IL31: variants seen among roughly 807,000 people sequenced by gnomAD.
The protein encoded by IL31 is interleukin-31.
In IL31, 8 loss-of-function variants were observed where a neutral mutation model predicts 7.8. The observed-to-expected ratio is 1.02, with a 90% CI of 0.60 to 1.84. The LOEUF is 1.84. IL31 is among the 40% of genes most tolerant of loss of function. The pLI, the probability that IL31 is intolerant of heterozygous loss-of-function variation, is 0.00. For missense variants in IL31, 162 were observed against 205.6 expected, an observed-to-expected ratio of 0.79 and a Z score of 1.30; for synonymous variants, 87 against 86.5, an observed-to-expected ratio of 1.01 and a Z score of -0.03.
In IL31 at chr12:122,172,357, G is replaced by A. The variant is rs1184191142; in HGVS notation, c.*55C>T. On this transcript the variant is annotated 3_prime_UTR_variant, in exon 3 of 3. Coordinates refer to ENST00000377035, the MANE Select transcript of IL31 (RefSeq NM_001014336.2). ...GGCAGAGTTCCCACACTTAGCTGTC[G>A]GTCATCTTTTTAAGGCTCCTTAAGT... 5 of 1,265,960 alleles carry A rather than the reference G, an allele frequency of 3.9e-6. No homozygotes were observed. The highest frequency in any genetic ancestry group is 4.5e-6 in the Non-Finnish European group (4 of 891,682). The allele number at this position is 1,265,960 out of a possible 1,614,324, so 78.4% of individuals were successfully genotyped here.
chr12:122,173,985 C>T lies in IL31; in HGVS notation c.24G>A (p.Ser8=), dbSNP rs150347535. 15 of 1,613,934 alleles carry T rather than the reference C, an allele frequency of 9.3e-6. No homozygotes were observed. In the African/African-American group the frequency reaches 9.3e-5, roughly 10 times the overall value. Residue 8 remains serine, a synonymous_variant, in exon 2 of 3, where the codon TCG becomes TCA. Coordinates refer to ENST00000377035, the MANE Select transcript of IL31 (RefSeq NM_001014336.2). The part of the protein sequence containing the change: MASHSGP[S]TSVLFLFCCL... ...AGCAGAACAGAAAGAGCACAGACGT[C>T]GAGGGGCCTGGAGAGAGAACGATGC...
rs1296495137 is a variant in IL31, at chr12:122,172,474, A to C, written c.433T>G (p.Ser145Ala). The C allele has an allele frequency of 4.3e-6, 7 of 1,614,080 alleles. No individual in the cohort carries two copies. The highest frequency in any genetic ancestry group is 1.3e-5 in the African/African-American group (1 of 74,928). ...TTTAGTGCGAGGTCCATGCACTCTG[A>C]AAACTGTTGAGAAATAGTCAGGATG... ...RFILTISQQFSECMDLALKSL... is the reference protein window; with the variant it reads ...RFILTISQQFAECMDLALKSL... The change falls in exon 3 of 3, where the codon TCA becomes GCA. Residue 145 changes from serine to alanine, a missense_variant. Physicochemically the swap from Ser to Ala is moderately conservative, Grantham distance 99 (BLOSUM62 1). Coordinates refer to ENST00000377035, the MANE Select transcript of IL31 (RefSeq NM_001014336.2).
At chr12:122,173,726 A>G (rs1246431300) in intron 2 of IL31, 118 bp downstream of exon 2, 4 of 851,852 alleles carry the variant, frequency 4.7e-6, no homozygotes, top group African/African-American at 1.7e-5. Flanking sequence ...AGTTTCCCCC[A>G]TCCCTTCCTG....
chr12:122,173,084 G>A (rs749961250), intron 2 of IL31, among the ~76,000 whole-genome samples: 5 of 152,046 alleles, frequency 3.3e-5, no homozygotes, highest in Non-Finnish European at 5.9e-5. Flanking sequence ...TTAAAGCCAC[G>A]CACGCTCCAC....
chr12:122,172,529 C>T lies in IL31; in HGVS notation c.378G>A (p.Val126=). 1 of 1,613,914 alleles carries T rather than the reference C, an allele frequency of 6.2e-7. No homozygotes were observed. Among genetic ancestry groups the T allele is most frequent in the Non-Finnish European group, 8.5e-7 (1 of 1,179,786 alleles). The change falls in exon 3 of 3, where the codon GTG becomes GTA. Residue 126 remains valine, a synonymous_variant. Coordinates refer to ENST00000377035, the MANE Select transcript of IL31 (RefSeq NM_001014336.2). ...GTTTACATTCATGGGTGTCTGTTGG[C>T]ACAGAAATGTTTGTTTCTGGTGCAT... ...FQDAPETNIS[V]PTDTHECKRF...
At position 122,172,669 on chromosome 12, in the gene IL31, G is replaced by C; in HGVS notation, c.238C>G (p.Pro80Ala). 1.2e-6 allele frequency: 2 copies of C among 1,614,140 alleles called. No individual in the cohort carries two copies. Among genetic ancestry groups the C allele is most frequent in the Non-Finnish European group, 1.7e-6 (2 of 1,180,018 alleles). Reference protein sequence around the residue: ...LPCLSPDAQPPNNIHSPAIRA... With the variant: ...LPCLSPDAQPANNIHSPAIRA... ...ATGGCTGGGCTGTGGATGTTGTTTGGCGGCTGGGCGTCAGGGCTGAGACAC... is the reference window on the plus strand; with the variant it reads ...ATGGCTGGGCTGTGGATGTTGTTTGCCGGCTGGGCGTCAGGGCTGAGACAC... The change falls in exon 3 of 3, where the codon CCA becomes GCA. Residue 80 changes from proline to alanine, a missense_variant. Coordinates refer to ENST00000377035, the MANE Select transcript of IL31 (RefSeq NM_001014336.2).
intron 1 of IL31, 38 bp from the exon 2 acceptor site, chr12:122,174,030 C>A: frequency 6.2e-7 from 1 of 1,613,236 alleles, no homozygotes; most frequent in Non-Finnish European, 8.5e-7. Flanking sequence ...ATACATCACA[C>A]ACCCCTGCCC....
intron 2 of IL31, among the ~76,000 whole-genome samples, chr12:122,173,152 T>C (rs1273709598): frequency 1.3e-5 from 2 of 151,880 alleles, no homozygotes; most frequent in Non-Finnish European, 2.9e-5. Flanking sequence ...GGCGAGAGTT[T>C]TCCCCAACAA....
chr12:122,173,244 C>G (rs576018164), intron 2 of IL31, among the ~76,000 whole-genome samples: 2 of 152,340 alleles, frequency 1.3e-5, no homozygotes, highest in Admixed American at 6.5e-5. Flanking sequence ...AGCACCTCAT[C>G]AACCTGAACT....
At chr12:122,174,130 C>T (rs1433009966) in intron 1 of IL31, 27 bp downstream of exon 1, 3 of 1,613,976 alleles carry the variant, frequency 1.9e-6, no homozygotes, top group Non-Finnish European at 1.7e-6. Context: ...ATGCCCAAGA[C>T]TCCGGAAGCA....
chr12:122,174,010 C>T lies in IL31; in HGVS notation c.17-18G>A. The stretch of plus-strand genomic sequence containing the variant: ...CGAGGGGCCTGGAGAGAGAACGATG[C>T]CGTGAGCGCATACATCACACACCCC... On this transcript the variant is annotated intron_variant, in intron 1 of 2. Transcript: ENST00000377035. 5 of 1,613,674 alleles carry T rather than the reference C, an allele frequency of 3.1e-6. No homozygotes were observed. Among genetic ancestry groups the T allele is most frequent in the Non-Finnish European group, 4.2e-6 (5 of 1,179,820 alleles).
In IL31 at chr12:122,173,863, G is replaced by T; in HGVS notation, c.146C>A (p.Ser49Ter). Reference sequence around the variant, plus strand: ...ACTCACATCTTTCAAAAGCATCTTCGAGAGGGACTGTAATTCCTCGACTAT... The same window carrying T: ...ACTCACATCTTTCAAAAGCATCTTCTAGAGGGACTGTAATTCCTCGACTAT... The part of the protein sequence containing the change: ...QKIVEELQSL[S>*]KMLLKDVEEE... The change falls in exon 2 of 3, where the codon TCG (serine) becomes TAG (stop). Residue 49 changes from serine (S) to a stop codon, truncating the protein, a stop_gained. Coordinates refer to ENST00000377035, the MANE Select transcript of IL31 (RefSeq NM_001014336.2). LOFTEE classifies it low-confidence loss of function (END_TRUNC). 1 of 1,613,920 alleles carries T rather than the reference G, an allele frequency of 6.2e-7. No homozygotes were observed. The highest frequency in any genetic ancestry group is 8.5e-7 in the Non-Finnish European group (1 of 1,179,914).
intron 2 of IL31, among the ~76,000 whole-genome samples, chr12:122,173,080 C>T (rs1355475314): frequency 1.3e-5 from 2 of 152,190 alleles, no homozygotes; most frequent in Non-Finnish European, 2.9e-5. Context: ...TGTGTTAAAG[C>T]CACGCACGCT....
intron 2 of IL31, 77 bp from the exon 3 acceptor site, chr12:122,172,818 T>G: frequency 1.9e-4 from 209 of 1,077,092 alleles, no homozygotes; most frequent in Non-Finnish European, 2.6e-4. Flanking sequence ...GTTTGCATGC[T>G]TCCTCCGTAA....
chr12:122,173,034 T>C (rs529001836), intron 2 of IL31, among the ~76,000 whole-genome samples: 4 of 152,264 alleles, frequency 2.6e-5, no homozygotes, highest in African/African-American at 9.6e-5. Flanking sequence ...GCAGCACATC[T>C]GGCCTTCCAT....
chr12:122,172,329 C>T lies in IL31; in HGVS notation c.*83G>A, dbSNP rs117355710. On this transcript the variant is annotated 3_prime_UTR_variant, in exon 3 of 3. Coordinates refer to ENST00000377035, the MANE Select transcript of IL31 (RefSeq NM_001014336.2). ...CATTGGAAAAATGTACTTAAGGAAT[C>T]ACGGCAGAGTTCCCACACTTAGCTG... 2.4e-3 allele frequency: 2,337 copies of T among 986,762 alleles called. 25 individuals are homozygous for T. In the East Asian group the frequency reaches 0.029, roughly 12 times the overall value. The allele number at this position is 986,762 out of a possible 1,614,324, so 61.1% of individuals were successfully genotyped here.
In IL31 at chr12:122,172,156, A is replaced by G. The variant is rs927194110; in HGVS notation, c.*256T>C. ...TGCCACCTCCCACCCTCACGAGGGT[A>G]TAATAAGTAAGACTTAAGCCTGCAG... On this transcript the variant is annotated 3_prime_UTR_variant, in exon 3 of 3. Transcript: ENST00000377035. The G allele has an allele frequency of 2.6e-5, 10 of 385,932 alleles. No individual in the cohort carries two copies. Among genetic ancestry groups the G allele is most frequent in the Non-Finnish European group, 4.7e-5 (10 of 212,680 alleles). The allele number at this position is 385,932 out of a possible 1,614,324, so 23.9% of individuals were successfully genotyped here.
chr12:122,173,975 G>C lies in IL31; in HGVS notation c.34C>G (p.Leu12Val), dbSNP rs1298166901. 9 of 1,614,150 alleles carry C rather than the reference G, an allele frequency of 5.6e-6. No individual in the cohort carries two copies. Among genetic ancestry groups the C allele is most frequent in the Non-Finnish European group, 7.6e-6 (9 of 1,180,036 alleles). ...CCTCCCAGGCAGCAGAACAGAAAGA[G>C]CACAGACGTCGAGGGGCCTGGAGAG... ...ASHSGPSTSV[L>V]FLFCCLGGWL... The change falls in exon 2 of 3, where the codon CTC (leucine) becomes GTC (valine). Residue 12 changes from leucine (L) to valine (V), a missense_variant. Leu to Val is a conservative substitution (Grantham distance 32). Coordinates refer to ENST00000377035, the MANE Select transcript of IL31 (RefSeq NM_001014336.2).
chr12:122,173,002 C>T (rs73419743), intron 2 of IL31, among the ~76,000 whole-genome samples: 6,793 of 152,244 alleles, frequency 0.045, 225 homozygotes, highest in African/African-American at 0.098. Flanking sequence ...CCCACTCTCA[C>T]GTGCTCAGGG....
Sources: allele counts gnomAD v4.1 joint callset (sites outside exome capture counted in the v4.1 genomes callset), GRCh38; gene constraint gnomAD v4.1.1; transcripts MANE v1.5; gene names NCBI Gene and HGNC (gene_info 2026-07-23, HGNC 2026-07-21).